Variants in TBC1D1 observed in about 807,000 individuals in gnomAD.
TBC1D1 encodes the protein TBC1 domain family member 1.
In TBC1D1, 89 loss-of-function variants were observed where a neutral mutation model predicts 125.6. The ratio of observed to expected loss-of-function variants is 0.71; its 90% CI spans 0.60 to 0.85. The LOEUF is 0.85. Among genes scored for constraint, TBC1D1 ranks in the 40% least tolerant of loss-of-function variants. The pLI is 0.00. For missense variants in TBC1D1, 1,377 were observed against 1,469.2 expected (o/e 0.94, Z 1.03); for synonymous variants, 565 against 564.1 (o/e 1.00, Z -0.02).
At chr4:37,891,806 A>G (rs1246931989) in intron 1 of TBC1D1, among the ~76,000 whole-genome samples, 2 of 151,742 alleles carry the variant, frequency 1.3e-5, no homozygotes, top group South Asian at 2.1e-4. Flanking sequence ...ATTTCTTTCT[A>G]TGGGTACATC....
intron 2 of TBC1D1, among the ~76,000 whole-genome samples, chr4:37,953,163 G>T (rs1356897808): frequency 2.0e-5 from 3 of 152,206 alleles, no homozygotes; most frequent in Non-Finnish European, 4.4e-5. Context: ...AAGCATGAAT[G>T]CTAAATTTTG....
intron 12 of TBC1D1, among the ~76,000 whole-genome samples, chr4:38,064,810 A>G (rs1318257674): frequency 6.6e-6 from 1 of 150,902 alleles, no homozygotes; most frequent in African/African-American, 2.4e-5. Flanking sequence ...TTTTTAGTAG[A>G]GACGGGGTTT....
intron 2 of TBC1D1, among the ~76,000 whole-genome samples, chr4:37,913,389 G>A (rs573431101): frequency 4.2e-4 from 64 of 152,030 alleles, no homozygotes; most frequent in Middle Eastern, 3.4e-3. Flanking sequence ...ACCTGAGGTC[G>A]GGAGTTCAAG....
intron 2 of TBC1D1, among the ~76,000 whole-genome samples, chr4:37,961,313 C>T (rs1272477641): frequency 1.3e-5 from 2 of 151,940 alleles, no homozygotes; most frequent in Admixed American, 1.3e-4. Flanking sequence ...ACTTCTACAT[C>T]TTTTCTTCCC....
In TBC1D1 at chr4:38,102,748, G is replaced by C. The variant is rs186708186; in HGVS notation, c.2399-251G>C. Among the ~76,000 whole-genome samples the C allele has an allele frequency of 4.7e-3, 715 of 152,142 alleles. 3 individuals carry two copies. The highest frequency in any genetic ancestry group is 8.3e-3 in the Non-Finnish European group (561 of 68,000). ...AAAAAAAAATTAGCCAGGCATGGTG[G>C]TGGGCACCTATAATTTCAGCTACTT... On this transcript the variant is annotated intron_variant, in intron 14 of 19. Transcript: ENST00000261439.
chr4:37,954,787 G>A (rs1462922674), intron 2 of TBC1D1, among the ~76,000 whole-genome samples: 12 of 151,198 alleles, frequency 7.9e-5, no homozygotes, highest in Non-Finnish European at 1.5e-4. Flanking sequence ...AAACTCTGAT[G>A]GGATCCCTCA....
At chr4:38,126,707 G>A (rs983858445) in intron 18 of TBC1D1, among the ~76,000 whole-genome samples, 1 of 152,112 alleles carries the variant, frequency 6.6e-6, no homozygotes, top group African/African-American at 2.4e-5. Flanking sequence ...GCCAGGTTGG[G>A]TGGGCATCGA....
rs1187729162 is a variant in TBC1D1, at chr4:37,995,119, A to G, written c.418-19390A>G. ...CTAGAAGTGATTTTAAGAGTACTGC[A>G]GTTTGTTTCCTTCGATACTGACACA... On this transcript the variant is annotated intron_variant, in intron 2 of 19. Coordinates refer to ENST00000261439, the MANE Select transcript of TBC1D1 (RefSeq NM_015173.4). This position sits in a 1 kb window ranked among gnomAD's most constrained non-coding sequence, Gnocchi z 4.3. Among the ~76,000 whole-genome samples, 1 of 152,180 alleles carries G rather than the reference A, an allele frequency of 6.6e-6. No individual in the cohort carries two copies. Among genetic ancestry groups the G allele is most frequent in the Non-Finnish European group, 1.5e-5 (1 of 68,038 alleles).
chr4:38,132,074 AC>A (rs1189773478), intron 18 of TBC1D1, among the ~76,000 whole-genome samples: 1 of 152,228 alleles, frequency 6.6e-6, no homozygotes, highest in Non-Finnish European at 1.5e-5. Context: ...AAGTAGTTTT[AC>A]ACTGATTTTT....
rs545210289 is a variant in TBC1D1 at position 38,046,182 on chromosome 4, A to G, written c.1629+279A>G. On this transcript the variant is annotated intron_variant, in intron 10 of 19. Transcript: ENST00000261439. Reference sequence around the variant, plus strand: ...AGATCGAGACGCTCCTGGCTAGCACAGTGAAACCCCGTCTCTACTAAAAAT... The same window carrying G: ...AGATCGAGACGCTCCTGGCTAGCACGGTGAAACCCCGTCTCTACTAAAAAT... Among the ~76,000 whole-genome samples the G allele has an allele frequency of 6.6e-5, 10 of 152,214 alleles. No individual in the cohort carries two copies. In the South Asian group the frequency reaches 1.9e-3, roughly 28 times the overall value.
rs1052181902 is a variant in TBC1D1 at position 37,977,786 on chromosome 4, C to T, written c.418-36723C>T. 6.6e-6 allele frequency among the ~76,000 whole-genome samples: 1 copy of T among 152,124 alleles called. No homozygotes were observed. The highest frequency in any genetic ancestry group is 1.5e-5 in the Non-Finnish European group (1 of 68,014). Reference sequence around the variant, plus strand: ...CTGAGGCTGTACTCGGGGACCCCTGCGGGAGCCCGAACCCAGCAGGCGGCT... The same window carrying T: ...CTGAGGCTGTACTCGGGGACCCCTGTGGGAGCCCGAACCCAGCAGGCGGCT... On this transcript the variant is annotated intron_variant, in intron 2 of 19. Transcript: ENST00000261439. The surrounding 1 kb of genome is among the most constrained non-coding windows in gnomAD (Gnocchi z 4.3).
At chr4:38,078,334 T>C (rs1755951109) in intron 12 of TBC1D1, among the ~76,000 whole-genome samples, 1 of 152,214 alleles carries the variant, frequency 6.6e-6, no homozygotes, top group Non-Finnish European at 1.5e-5. Context: ...TAGGTACAGA[T>C]TGAACTTTTT....
intron 13 of TBC1D1, among the ~76,000 whole-genome samples, chr4:38,093,696 TTAGTAG>T (rs369403907): frequency 6.6e-6 from 1 of 151,614 alleles, no homozygotes; most frequent in African/African-American, 2.4e-5. Flanking sequence ...ATTTTTATTA[TTAGTAG>T]TAGTAGTAGT....
At position 37,995,844 on chromosome 4, in the gene TBC1D1, G is replaced by A; in HGVS notation, c.418-18665G>A. 1 of 572,098 alleles carries A rather than the reference G, an allele frequency of 1.7e-6. No individual in the cohort carries two copies. 35.4% of individuals were successfully genotyped at this position (572,098 alleles called of 1,614,324 possible). On this transcript the variant is annotated intron_variant, in intron 2 of 19. Transcript: ENST00000261439. This position sits in a 1 kb window ranked among gnomAD's most constrained non-coding sequence, Gnocchi z 4.3. ...CTTGGGGATCAGGTGCTGGATCCAT[G>A]TGATCACCAGAATGCATTTCTCTTT...
intron 15 of TBC1D1, among the ~76,000 whole-genome samples, chr4:38,114,451 C>T (rs1762638865): frequency 6.6e-6 from 1 of 152,164 alleles, no homozygotes; most frequent in Admixed American, 6.5e-5. Flanking sequence ...TATGTTCCTC[C>T]CTGTGCTGAG....
At chr4:37,964,349 G>A (rs906629960) in intron 2 of TBC1D1, among the ~76,000 whole-genome samples, 1 of 152,182 alleles carries the variant, frequency 6.6e-6, no homozygotes. Flanking sequence ...TCGGGGCGCT[G>A]TACTTCATGT....
chr4:38,123,379 T>C (rs1254712830), intron 17 of TBC1D1, among the ~76,000 whole-genome samples: 3 of 152,246 alleles, frequency 2.0e-5, no homozygotes, highest in Non-Finnish European at 2.9e-5. Flanking sequence ...CATTTCTGTT[T>C]AAAAATACAT....
intron 2 of TBC1D1, among the ~76,000 whole-genome samples, chr4:37,908,595 T>A (rs1207337148): frequency 6.6e-6 from 1 of 152,216 alleles, no homozygotes; most frequent in Non-Finnish European, 1.5e-5. Context: ...AATAAGATTG[T>A]GATCCTCTGG....
chr4:38,093,702 G>A (rs1032011045), intron 13 of TBC1D1, among the ~76,000 whole-genome samples: 2 of 135,074 alleles, frequency 1.5e-5, no homozygotes, highest in Non-Finnish European at 3.4e-5. Flanking sequence ...ATTATTAGTA[G>A]TAGTAGTAGT....
Sources: allele counts gnomAD v4.1 joint callset (sites outside exome capture counted in the v4.1 genomes callset), GRCh38; gene constraint gnomAD v4.1.1; non-coding constraint Gnocchi (gnomAD v3.1); transcripts MANE v1.5; gene names NCBI Gene and HGNC (gene_info 2026-07-23, HGNC 2026-07-21).